Variants in TCF12 observed in about 807,000 individuals in gnomAD.
TCF12 encodes the protein transcription factor 12.
A neutral mutation model predicts 86.0 loss-of-function variants in TCF12; 45 were observed. The observed-to-expected ratio is 0.52, with a 90% CI of 0.41 to 0.67. TCF12 has a LOEUF of 0.67. Among genes scored for constraint, TCF12 ranks in the 30% least tolerant of loss-of-function variants. TCF12 has a pLI of 0.00. For missense variants in TCF12, 881 were observed against 859.9 expected (o/e 1.02, Z -0.31); for synonymous variants, 330 against 299.6 (o/e 1.10, Z -1.05).
intron 6 of TCF12, among the ~76,000 whole-genome samples, chr15:57,170,361 G>A (rs1740495636): frequency 6.6e-6 from 1 of 151,162 alleles, no homozygotes; most frequent in South Asian, 2.1e-4. Context: ...CTCAAGGGAT[G>A]TAAGGTTTAG....
chr15:56,977,336 C>T (rs2062662551), intron 3 of TCF12, among the ~76,000 whole-genome samples: 1 of 151,906 alleles, frequency 6.6e-6, no homozygotes, highest in South Asian at 2.1e-4. Flanking sequence ...AGTTCGAGAC[C>T]AGCCTTGGCA....
At position 57,262,194 on chromosome 15, in the gene TCF12, A is replaced by G. The variant is rs2060621041; in HGVS notation, c.1568A>G (p.Gln523Arg). ...TSSTDLNHKT[Q>R]ENYRGGLQSQ... ...AGCACAGACCTGAACCATAAAACAC[A>G]AGAAAATTATAGAGGTAACTATATT... The change falls in exon 17 of 21, where the codon CAA becomes CGA. Residue 523 changes from glutamine (Q) to arginine (R), a missense_variant. By Grantham distance (43) the Gln-to-Arg change is conservative. Around this residue, in one of 3 missense-constraint regions of TCF12, gnomAD observed 766 missense variants for 718.9 expected, o/e 1.07. Coordinates refer to ENST00000333725, the MANE Select transcript of TCF12 (RefSeq NM_207037.2). The G allele has an allele frequency of 1.2e-6, 2 of 1,609,084 alleles. No individual in the cohort carries two copies. The highest frequency in any genetic ancestry group is 1.7e-6 in the Non-Finnish European group (2 of 1,176,302).
rs148770053 is a variant in TCF12, at chr15:57,014,895, G to A, written c.149-48855G>A. ...TATTATTATTATTATTATTATTATT[G>A]TTATTATTATTATTATTATTAATGT... On this transcript the variant is annotated intron_variant, in intron 3 of 20. Coordinates refer to ENST00000333725, the MANE Select transcript of TCF12 (RefSeq NM_207037.2). 1.0e-2 allele frequency among the ~76,000 whole-genome samples: 593 copies of A among 59,592 alleles called. 4 individuals carry two copies. Among genetic ancestry groups the A allele is most frequent in the African/African-American group, 0.042 (552 of 13,118 alleles). The allele number at this position is 59,592 out of a possible 152,430, so 39.1% of individuals were successfully genotyped here. A position where few individuals can be genotyped will look rare whatever the true frequency, so the allele number is the denominator to read the frequency against.
chr15:57,012,337 T>C (rs146892585), intron 3 of TCF12, among the ~76,000 whole-genome samples: 19 of 152,334 alleles, frequency 1.2e-4, no homozygotes, highest in Admixed American at 6.5e-4. Flanking sequence ...CATAACTTGG[T>C]ATGTATTTTT....
intron 19 of TCF12, among the ~76,000 whole-genome samples, chr15:57,277,369 A>C (rs1196353199): frequency 6.6e-6 from 1 of 151,906 alleles, no homozygotes; most frequent in Non-Finnish European, 1.5e-5. Flanking sequence ...AGTGGCTCAC[A>C]CCTGTAATCC....
At chr15:57,282,890 A>G (rs572051741) in intron 20 of TCF12, among the ~76,000 whole-genome samples, 6 of 152,346 alleles carry the variant, frequency 3.9e-5, no homozygotes, top group African/African-American at 1.2e-4. Flanking sequence ...TGATCCAAGA[A>G]GAAATAGTAC....
chr15:57,064,299 A>G (rs566393100), intron 4 of TCF12, among the ~76,000 whole-genome samples: 2 of 152,308 alleles, frequency 1.3e-5, no homozygotes, highest in South Asian at 2.1e-4. Flanking sequence ...GTTAACAGTT[A>G]AGAGAAAATA....
chr15:57,098,735 G>A (rs2049513053), intron 5 of TCF12, among the ~76,000 whole-genome samples: 1 of 152,184 alleles, frequency 6.6e-6, no homozygotes, highest in Non-Finnish European at 1.5e-5. Flanking sequence ...TTTGTTATAA[G>A]TGACAGAACC....
At chr15:57,055,095 C>A (rs2067907474) in intron 3 of TCF12, among the ~76,000 whole-genome samples, 1 of 151,964 alleles carries the variant, frequency 6.6e-6, no homozygotes, top group Admixed American at 6.6e-5. Context: ...AGGTCTTCCT[C>A]TGATAACATT....
intron 3 of TCF12, among the ~76,000 whole-genome samples, chr15:56,995,847 G>A (rs1234779368): frequency 1.3e-5 from 2 of 152,088 alleles, no homozygotes; most frequent in African/African-American, 4.8e-5. Context: ...AGTGCTAAGA[G>A]AGGCATCCTT....
chr15:57,211,931 G>A (rs1398820882), intron 8 of TCF12, among the ~76,000 whole-genome samples: 1 of 151,598 alleles, frequency 6.6e-6, no homozygotes, highest in African/African-American at 2.4e-5. Flanking sequence ...TCCAGCCTGG[G>A]CAACAAAGCA....
chr15:57,260,732 A>G (rs923892046), intron 16 of TCF12, among the ~76,000 whole-genome samples: 3 of 152,138 alleles, frequency 2.0e-5, no homozygotes, highest in Non-Finnish European at 4.4e-5. Flanking sequence ...GCCCATATCT[A>G]TTTTTATAAA....
At chr15:57,233,385 C>T (rs1246671041) in intron 11 of TCF12, among the ~76,000 whole-genome samples, 3 of 151,852 alleles carry the variant, frequency 2.0e-5, no homozygotes, top group African/African-American at 4.8e-5. Flanking sequence ...ATTATGTGGC[C>T]GGGGCTGGTC....
At chr15:56,981,016 A>G (rs925460583) in intron 3 of TCF12, among the ~76,000 whole-genome samples, 7 of 152,212 alleles carry the variant, frequency 4.6e-5, no homozygotes, top group Non-Finnish European at 7.3e-5. Flanking sequence ...TTAGAGCAGG[A>G]AGCCTCATAT....
chr15:56,981,932 A>G (rs570495453), intron 3 of TCF12, among the ~76,000 whole-genome samples: 4 of 152,040 alleles, frequency 2.6e-5, no homozygotes, highest in African/African-American at 9.7e-5. Flanking sequence ...GCAGAGGTGG[A>G]AGGGGCAGAA....
chr15:56,948,675 A>T (rs748916266), intron 3 of TCF12, among the ~76,000 whole-genome samples: 1 of 152,224 alleles, frequency 6.6e-6, no homozygotes, highest in African/African-American at 2.4e-5. Context: ...CCTGAAGTTT[A>T]TAATGGAATA....
chr15:56,984,014 A>AAAAAAAAAAAAAAAAAAAAAG lies in TCF12; in HGVS notation c.148+62918_148+62919insAAAAAAAAAAAAAAAAAAGAA, dbSNP rs777234282. Among the ~76,000 whole-genome samples, 947 of 104,010 alleles carry AAAAAAAAAAAAAAAAAAAAAG rather than the reference A, an allele frequency of 9.1e-3. 48 individuals carry two copies. The highest frequency in any genetic ancestry group is 0.012 in the African/African-American group (271 of 21,942). 68.2% of individuals were successfully genotyped at this position (104,010 alleles called of 152,430 possible). On this transcript the variant is annotated intron_variant, in intron 3 of 20. Coordinates refer to ENST00000333725, the MANE Select transcript of TCF12 (RefSeq NM_207037.2). ...GAGACCCTGTCTCAAAAAAAAAAAA[A>AAAAAAAAAAAAAAAAAAAAAG]AAGAAGAAGAAGAATTTTGGATCAA...
At chr15:57,237,174 T>C (rs1016238104) in intron 12 of TCF12, among the ~76,000 whole-genome samples, 4 of 151,914 alleles carry the variant, frequency 2.6e-5, no homozygotes, top group East Asian at 3.9e-4. Context: ...TGTGTGTGTA[T>C]ATGTATGTGT....
At chr15:57,060,659 A>G (rs1206769640) in intron 3 of TCF12, among the ~76,000 whole-genome samples, 12 of 152,252 alleles carry the variant, frequency 7.9e-5, no homozygotes, top group Non-Finnish European at 1.3e-4. Flanking sequence ...TGAAAATAAT[A>G]TGGGAATGAT....
Sources: gnomAD v4.1 joint callset for allele counts (sites outside exome capture counted in the v4.1 genomes callset) on GRCh38, gnomAD v4.1.1 for gene constraint, gnomAD v4.1.1 regional missense constraint, MANE v1.5 for transcripts, NCBI Gene and HGNC (gene_info 2026-07-23, HGNC 2026-07-21) for gene names.